The following INPP4B variants were observed in gnomAD, a reference collection of about 807,000 sequenced individuals.
The protein encoded by INPP4B is inositol polyphosphate-4-phosphatase type II B, also known as inositol polyphosphate 4-phosphatase type II.
Under a neutral mutation model 122.5 loss-of-function variants are expected in INPP4B, and 55 were observed. That is an observed-to-expected ratio of 0.45 (90% confidence interval 0.36 to 0.56). The LOEUF (loss-of-function observed/expected upper bound fraction) is 0.56, where lower values mean the gene tolerates loss of function less well. Ranked by LOEUF, INPP4B falls within the 20% of genes least tolerant of loss-of-function variation. The pLI, the probability that INPP4B is intolerant of heterozygous loss-of-function variation, is 0.00. For synonymous variants in INPP4B, 403 were observed against 388.7 expected (o/e 1.04, Z -0.43); for missense variants, 1,000 against 1,097.7 (o/e 0.91, Z 1.26).
chr4:142,379,872 T>TACTC (rs1793428926), intron 7 of INPP4B, among the ~76,000 whole-genome samples: 1 of 152,214 alleles, frequency 6.6e-6, no homozygotes, highest in Non-Finnish European at 1.5e-5. Context: ...CATCCACCTG[T>TACTC]ACTCACAGCT....
At chr4:142,336,861 G>GA (rs1776796421) in intron 7 of INPP4B, among the ~76,000 whole-genome samples, 1 of 152,124 alleles carries the variant, frequency 6.6e-6, no homozygotes, top group South Asian at 2.1e-4. Flanking sequence ...ATTTCCTTTA[G>GA]AAAAAAATGC....
At chr4:142,408,257 A>AG (rs1219617504) in intron 5 of INPP4B, among the ~76,000 whole-genome samples, 1 of 123,206 alleles carries the variant, frequency 8.1e-6, no homozygotes. Context: ...ATCTGTTTTC[A>AG]GGAAAAAAAA....
chr4:142,830,850 CA>C (rs70949194), intron 1 of INPP4B, among the ~76,000 whole-genome samples: 7,411 of 91,386 alleles, frequency 0.081, 218 homozygotes, highest in African/African-American at 0.15. Context: ...GCTGTCTCTA[CA>C]AAAAAAAAAA....
At chr4:142,267,902 G>T (rs767678413) in intron 10 of INPP4B, among the ~76,000 whole-genome samples, 2 of 151,922 alleles carry the variant, frequency 1.3e-5, no homozygotes, top group Non-Finnish European at 2.9e-5. Context: ...AAAAACACTC[G>T]CAAAAGAAGA....
At chr4:142,554,459 C>T (rs1348184704) in intron 2 of INPP4B, among the ~76,000 whole-genome samples, 1 of 151,772 alleles carries the variant, frequency 6.6e-6, no homozygotes, top group Non-Finnish European at 1.5e-5. Context: ...GAATATAAAG[C>T]AACTCTGCTC....
intron 2 of INPP4B, among the ~76,000 whole-genome samples, chr4:142,556,562 T>A (rs2150100604): frequency 6.6e-6 from 1 of 152,170 alleles, no homozygotes; most frequent in East Asian, 1.9e-4. Flanking sequence ...GGGATGAAAG[T>A]GGGCACCAAT....
intron 11 of INPP4B, among the ~76,000 whole-genome samples, chr4:142,245,644 T>C (rs1350965023): frequency 6.6e-6 from 1 of 152,000 alleles, no homozygotes; most frequent in Non-Finnish European, 1.5e-5. Context: ...TTGTTTGCAA[T>C]AGTTCCAGAA....
intron 25 of INPP4B, among the ~76,000 whole-genome samples, chr4:142,061,766 T>G (rs1760747225): frequency 6.6e-6 from 1 of 151,020 alleles, no homozygotes; most frequent in Non-Finnish European, 1.5e-5. Flanking sequence ...TTTTATATAT[T>G]GTATGTTCTA....
chr4:142,073,922 A>G (rs552412700), intron 25 of INPP4B, among the ~76,000 whole-genome samples: 6 of 152,028 alleles, frequency 3.9e-5, no homozygotes, highest in African/African-American at 1.2e-4. Flanking sequence ...GGCATCAATC[A>G]TCTCTCTAAT....
At chr4:142,104,806 C>T (rs1786173499) in intron 23 of INPP4B, among the ~76,000 whole-genome samples, 1 of 152,072 alleles carries the variant, frequency 6.6e-6, no homozygotes. Flanking sequence ...CTTTAAATTA[C>T]CTCTAGATTA....
At chr4:142,716,589 G>C (rs545850817) in intron 2 of INPP4B, among the ~76,000 whole-genome samples, 3 of 152,276 alleles carry the variant, frequency 2.0e-5, no homozygotes, top group African/African-American at 7.2e-5. Context: ...TCATGTTATG[G>C]CTATGAATAA....
chr4:142,744,937 A>G (rs1219478081), intron 1 of INPP4B, among the ~76,000 whole-genome samples: 1 of 151,678 alleles, frequency 6.6e-6, no homozygotes, highest in African/African-American at 2.4e-5. Context: ...TTTTTAGTAT[A>G]TAAAAAAAGA....
At chr4:142,111,740 A>AT (rs76753106) in intron 22 of INPP4B, among the ~76,000 whole-genome samples, 21,214 of 151,332 alleles carry the variant, frequency 0.14, 1,732 homozygotes, top group East Asian at 0.23. Context: ...AAAAAAAGAG[A>AT]TTTTTTTTTA....
intron 2 of INPP4B, among the ~76,000 whole-genome samples, chr4:142,471,148 C>CT (rs1818745777): frequency 6.6e-6 from 1 of 152,080 alleles, no homozygotes; most frequent in South Asian, 2.1e-4. Flanking sequence ...TTTAAGTCTG[C>CT]TTTTTTCATC....
At chr4:142,340,811 G>T (rs1025316242) in intron 7 of INPP4B, among the ~76,000 whole-genome samples, 3 of 152,096 alleles carry the variant, frequency 2.0e-5, no homozygotes, top group African/African-American at 7.2e-5. Flanking sequence ...AGAAATTAAA[G>T]CCCCTAGAGC....
chr4:142,837,987 G>C (rs1196195172), intron 1 of INPP4B, among the ~76,000 whole-genome samples: 6 of 150,936 alleles, frequency 4.0e-5, no homozygotes, highest in Non-Finnish European at 1.5e-5. Flanking sequence ...GCCTATTAAA[G>C]AGCAATGAAA....
At chr4:142,175,937 A>G (rs1370000856) in intron 15 of INPP4B, among the ~76,000 whole-genome samples, 1 of 152,002 alleles carries the variant, frequency 6.6e-6, no homozygotes, top group East Asian at 1.9e-4. Flanking sequence ...CCCAATGCAG[A>G]GTCATGTGGT....
intron 2 of INPP4B, among the ~76,000 whole-genome samples, chr4:142,571,179 C>A (rs566443433): frequency 4.6e-5 from 7 of 151,636 alleles, no homozygotes; most frequent in Admixed American, 4.6e-4. Flanking sequence ...GAAAAGCTTC[C>A]AATCCACCCA....
At chr4:142,610,484 T>C (rs953206795) in intron 2 of INPP4B, among the ~76,000 whole-genome samples, 23 of 152,196 alleles carry the variant, frequency 1.5e-4, no homozygotes, top group African/African-American at 5.5e-4. Flanking sequence ...TAAGATTGTA[T>C]ATTTAATAAA....
Sources: gnomAD v4.1 joint callset for allele counts (sites outside exome capture counted in the v4.1 genomes callset) on GRCh38, gnomAD v4.1.1 for gene constraint, MANE v1.5 for transcripts, NCBI Gene and HGNC (gene_info 2026-07-23, HGNC 2026-07-21) for gene names.